The following AKR1C4 variants were observed in gnomAD, a reference collection of about 807,000 sequenced individuals.
AKR1C4 encodes 3-alpha-HSD1.
A neutral mutation model predicts 41.0 loss-of-function variants in AKR1C4; 44 were observed. That is an observed-to-expected ratio of 1.07 (90% CI 0.84 to 1.38). The LOEUF is 1.38. AKR1C4 is among the 40% of genes most tolerant of loss of function. AKR1C4 has a pLI of 0.00. For missense variants in AKR1C4, 438 were observed against 387.9 expected (o/e 1.13, Z -1.09); for synonymous variants, 165 against 137.7 (o/e 1.20, Z -1.39).
At chr10:5,205,025 C>A (rs1554797338) in intron 3 of AKR1C4, among the ~76,000 whole-genome samples, 2 of 152,070 alleles carry the variant, frequency 1.3e-5, no homozygotes, top group African/African-American at 2.4e-5. Context: ...TTCGGTTGTG[C>A]ATAACTTTTA....
intron 5 of AKR1C4, chr10:5,207,348 AT>A: frequency 3.4e-6 from 1 of 297,468 alleles, no homozygotes; most frequent in Non-Finnish European, 6.7e-6. Flanking sequence ...GATTAAGGTA[AT>A]TTTGGAAAAT....
intron 2 of AKR1C4, 132 bp downstream of exon 2, chr10:5,200,480 G>A (rs1832383475): frequency 7.2e-7 from 1 of 1,397,258 alleles, no homozygotes; most frequent in African/African-American, 1.4e-5. Context: ...ACATATTCAG[G>A]TATTAAAGCT....
chr10:5,215,150 G>C (rs1832636723), intron 7 of AKR1C4, among the ~76,000 whole-genome samples: 2 of 152,096 alleles, frequency 1.3e-5, no homozygotes, highest in Admixed American at 1.3e-4. Flanking sequence ...TACATGACTG[G>C]TTCATGTACT....
chr10:5,212,798 T>G, intron 6 of AKR1C4, 73 bp downstream of exon 6: 1 of 1,497,498 alleles, frequency 6.7e-7, no homozygotes, highest in East Asian at 2.3e-5. Context: ...ATACTCAGTC[T>G]CCTAGAGTTC....
Position 5,206,305 on chromosome 10 carries a change from G to A in AKR1C4, c.478G>A (p.Ala160Thr), listed in dbSNP as rs1832484827. ...GGAGAAGTGTAAGGATGCAGGATTGGCCAAGTCCATCGGGGTGTCAAACTT... is the reference window on the plus strand; with the variant it reads ...GGAGAAGTGTAAGGATGCAGGATTGACCAAGTCCATCGGGGTGTCAAACTT... ...VMEKCKDAGLAKSIGVSNFNC... is the reference protein window; with the variant it reads ...VMEKCKDAGLTKSIGVSNFNC... Residue 160 changes from alanine to threonine, a missense_variant, in exon 5 of 9, where the codon GCC becomes ACC. Coordinates refer to ENST00000263126, the MANE Select transcript of AKR1C4 (RefSeq NM_001818.5). 5 of 1,614,046 alleles carry A rather than the reference G, an allele frequency of 3.1e-6. No homozygotes were observed. Among genetic ancestry groups the A allele is most frequent in the Non-Finnish European group, 4.2e-6 (5 of 1,179,960 alleles).
At chr10:5,200,471 CAT>C in intron 2 of AKR1C4, 123 bp downstream of exon 2, 1 of 1,434,646 alleles carries the variant, frequency 7.0e-7, no homozygotes. Context: ...TTTATTCACA[CAT>C]ATTCAGGTAT....
At chr10:5,217,958 A>G (rs1279644938) in intron 8 of AKR1C4, among the ~76,000 whole-genome samples, 2 of 152,248 alleles carry the variant, frequency 1.3e-5, no homozygotes, top group Non-Finnish European at 2.9e-5. Flanking sequence ...GAGATAATGT[A>G]TTAAAAAGGA....
intron 5 of AKR1C4, among the ~76,000 whole-genome samples, chr10:5,212,397 A>C (rs1832589137): frequency 6.6e-6 from 1 of 152,210 alleles, no homozygotes; most frequent in South Asian, 2.1e-4. Context: ...AGGTTGTTAG[A>C]AACTGGCTCT....
rs781948308 is a variant in AKR1C4 at position 5,212,964 on chromosome 10, A to G, written c.681-30A>G. 17 of 1,610,870 alleles carry G rather than the reference A, an allele frequency of 1.1e-5. No individual in the cohort carries two copies. The Admixed American group carries it at 1.7e-4, about 16-fold the overall frequency. ...TCCTACCAAACTGAATCCAGCCTCA[A>G]GACTTCAGCATTTCTGGCTTTCCTT... is the stretch of plus-strand genomic sequence containing the variant. On this transcript the variant is annotated intron_variant, in intron 6 of 8. Transcript: ENST00000263126.
In AKR1C4 at chr10:5,216,726, T is replaced by C; in HGVS notation, c.862T>C (p.Leu288=). The C allele has an allele frequency of 6.2e-7, 1 of 1,611,102 alleles. No individual in the cohort carries two copies. The highest frequency in any genetic ancestry group is 8.5e-7 in the Non-Finnish European group (1 of 1,178,216). ...TCTTTGGTAGGTTTTTGAATTCCAG[T>C]TGACATCAGAGGATATGAAAGTTCT... ...RENIQVFEFQ[L]TSEDMKVLDG... The change falls in exon 8 of 9, where the codon TTG becomes CTG. Residue 288 remains leucine, a synonymous_variant. Coordinates refer to ENST00000263126, the MANE Select transcript of AKR1C4 (RefSeq NM_001818.5).
At chr10:5,213,351 C>T (rs1832606818) in intron 7 of AKR1C4, among the ~76,000 whole-genome samples, 192 bp downstream of exon 7, 1 of 151,012 alleles carries the variant, frequency 6.6e-6, no homozygotes, top group African/African-American at 2.4e-5. Context: ...CAGGATGGGA[C>T]CAAAACCAGG....
intron 5 of AKR1C4, among the ~76,000 whole-genome samples, chr10:5,210,353 G>A (rs1210846414): frequency 3.3e-5 from 5 of 152,176 alleles, no homozygotes; most frequent in Non-Finnish European, 7.3e-5. Flanking sequence ...AGTGTCTGCA[G>A]CTTTTCCAGG....
At chr10:5,211,921 C>T (rs889963705) in intron 5 of AKR1C4, among the ~76,000 whole-genome samples, 2 of 152,106 alleles carry the variant, frequency 1.3e-5, no homozygotes, top group Admixed American at 6.5e-5. Flanking sequence ...GCAGGGAAAC[C>T]CATTTTTAAA....
intron 5 of AKR1C4, among the ~76,000 whole-genome samples, chr10:5,210,466 G>C (rs1056017626): frequency 1.5e-4 from 23 of 152,312 alleles, no homozygotes; most frequent in Middle Eastern, 3.4e-3. Flanking sequence ...GGACTGTGTG[G>C]GGGCTCTGAC....
intron 2 of AKR1C4, among the ~76,000 whole-genome samples, chr10:5,202,163 T>G (rs1832409640): frequency 6.6e-6 from 1 of 152,190 alleles, no homozygotes; most frequent in African/African-American, 2.4e-5. Context: ...AAGCATGGGA[T>G]GTGTTTCCAT....
At chr10:5,218,681 T>G (rs373252754) in intron 8 of AKR1C4, 37 bp from the exon 9 acceptor site, 5 of 1,520,770 alleles carry the variant, frequency 3.3e-6, no homozygotes, top group Non-Finnish European at 4.6e-6. Context: ...ATAGAGTCAT[T>G]TCATCCATAT....
At position 5,218,688 on chromosome 10, in the gene AKR1C4, A is replaced by G. The variant is rs781890097; in HGVS notation, c.930-30A>G. The G allele has an allele frequency of 1.9e-6, 3 of 1,543,290 alleles. No individual in the cohort carries two copies. The South Asian group carries it at 3.4e-5, about 17-fold the overall frequency. On this transcript the variant is annotated intron_variant, in intron 8 of 8. Coordinates refer to ENST00000263126, the MANE Select transcript of AKR1C4 (RefSeq NM_001818.5). ...GCTTTTTAATAGAGTCATTTCATCC[A>G]TATTTATGTACTATCCTTTCTCTTT...
intron 7 of AKR1C4, among the ~76,000 whole-genome samples, chr10:5,214,659 T>C (rs960008500): frequency 9.9e-5 from 15 of 151,632 alleles, no homozygotes; most frequent in African/African-American, 3.6e-4. Flanking sequence ...AGAAAACTTA[T>C]ACTTTTAATA....
chr10:5,206,893 TTGAGCA>T (rs1832498193), intron 5 of AKR1C4, among the ~76,000 whole-genome samples: 1 of 152,162 alleles, frequency 6.6e-6, no homozygotes, highest in African/African-American at 2.4e-5. Flanking sequence ...TTCATAGTTC[TTGAGCA>T]GGTACTAAAA....
Sources: gnomAD v4.1 joint callset for allele counts (sites outside exome capture counted in the v4.1 genomes callset) on GRCh38, gnomAD v4.1.1 for gene constraint, MANE v1.5 for transcripts, NCBI Gene and HGNC (gene_info 2026-07-23, HGNC 2026-07-21) for gene names.